Variants in ESR1 observed in about 807,000 individuals in gnomAD.
ESR1 encodes the protein estrogen receptor 1.
Under a neutral mutation model 52.7 loss-of-function variants are expected in ESR1, and 12 were observed. The ratio of observed to expected loss-of-function variants is 0.23; its 90% CI spans 0.15 to 0.37. The LOEUF (loss-of-function observed/expected upper bound fraction) is 0.37. ESR1 is among the 10% of genes least tolerant of loss of function. The probability of loss-of-function intolerance (pLI) is 1.00; values close to 1 mark genes in which losing one functional copy is unlikely to be tolerated. For missense variants in ESR1, 584 were observed against 779.7 expected, an observed-to-expected ratio of 0.75 and a Z score of 2.99; for synonymous variants, 305 against 316.8, an observed-to-expected ratio of 0.96 and a Z score of 0.39.
chr6:151,864,753 C>T, intron 2 of ESR1, among the ~76,000 whole-genome samples: 1 of 152,062 alleles, frequency 6.6e-6, no homozygotes, highest in East Asian at 1.9e-4. Context: ...GAATACTATG[C>T]AGCCATAAAA....
At chr6:152,072,875 T>C (rs934844868) in intron 6 of ESR1, among the ~76,000 whole-genome samples, 2 of 152,224 alleles carry the variant, frequency 1.3e-5, no homozygotes, top group Admixed American at 1.3e-4. Context: ...GAATAGCAAG[T>C]ATTAATCATT....
chr6:152,069,308 C>T (rs2048200815), intron 6 of ESR1, among the ~76,000 whole-genome samples: 1 of 136,654 alleles, frequency 7.3e-6, no homozygotes, highest in South Asian at 2.3e-4. Context: ...TCCATTCTTG[C>T]ACTGGGTCAG....
At chr6:151,830,704 G>A (rs1185078404) in intron 1 of ESR1, among the ~76,000 whole-genome samples, 1 of 152,122 alleles carries the variant, frequency 6.6e-6, no homozygotes, top group African/African-American at 2.4e-5. Context: ...CAGACTAAAT[G>A]GGTTTTTAGG....
chr6:151,661,842 A>G (rs1009196468), intron 1 of ESR1, among the ~76,000 whole-genome samples: 1 of 152,176 alleles, frequency 6.6e-6, no homozygotes, highest in African/African-American at 2.4e-5. Context: ...TCCTGCTGCT[A>G]TGTAAGACGT....
chr6:151,743,441 A>G (rs1224256533), intron 2 of ESR1, among the ~76,000 whole-genome samples: 4 of 152,204 alleles, frequency 2.6e-5, no homozygotes, highest in Non-Finnish European at 5.9e-5. Context: ...TTGCACTTAT[A>G]AATCTAAAAC....
At chr6:151,661,682 T>C (rs1057307468) in intron 1 of ESR1, among the ~76,000 whole-genome samples, 3 of 152,196 alleles carry the variant, frequency 2.0e-5, no homozygotes, top group African/African-American at 7.2e-5. Context: ...TCTTGAATTG[T>C]GATCCCCACA....
intron 3 of ESR1, among the ~76,000 whole-genome samples, chr6:151,891,957 A>T (rs577469169): frequency 6.6e-6 from 1 of 152,302 alleles, no homozygotes; most frequent in South Asian, 2.1e-4. Flanking sequence ...AATATAATTT[A>T]AAAGGGGCAT....
chr6:151,970,505 T>C (rs898122449), intron 4 of ESR1, among the ~76,000 whole-genome samples: 1 of 152,196 alleles, frequency 6.6e-6, no homozygotes, highest in Non-Finnish European at 1.5e-5. Flanking sequence ...CTAGTGCTTA[T>C]GGAACTTGGC....
At chr6:151,996,219 G>T (rs1215294327) in intron 4 of ESR1, among the ~76,000 whole-genome samples, 1 of 152,144 alleles carries the variant, frequency 6.6e-6, no homozygotes, top group East Asian at 1.9e-4. Flanking sequence ...GGTCACCAAG[G>T]AATCACATTC....
At chr6:151,944,121 A>G (rs2035429403) in intron 3 of ESR1, 52 bp from the exon 4 acceptor site, 1 of 1,540,226 alleles carries the variant, frequency 6.5e-7, no homozygotes, top group Non-Finnish European at 8.9e-7. Flanking sequence ...TTTGTATAAA[A>G]GTTTACACGG....
chr6:151,686,075 T>TTTTTTTTTTTTTTTTTTC (rs1778656631), upstream of ESR1, among the ~76,000 whole-genome samples: 1 of 146,726 alleles, frequency 6.8e-6, no homozygotes, highest in African/African-American at 2.6e-5. Flanking sequence ...TTTTTTTTTT[T>TTTTTTTTTTTTTTTTTTC]TTTTTTTTTT....
At position 151,862,307 on chromosome 6, in the gene ESR1, AG is replaced by A. The variant is rs141938192; in HGVS notation, c.644-18347del. On this transcript the variant is annotated intron_variant, in intron 2 of 7. Coordinates refer to ENST00000206249, the MANE Select transcript of ESR1 (RefSeq NM_000125.4). ...TTCTCCAAGGGAAAGGAGTGCTTCC[AG>A]AAAGGCCATTGGAAGTGAGGAGTGT... is the stretch of plus-strand genomic sequence containing the variant. 1.5e-3 allele frequency among the ~76,000 whole-genome samples: 229 copies of A among 152,332 alleles called. 1 individual carries two copies. The highest frequency in any genetic ancestry group is 5.0e-3 in the African/African-American group (206 of 41,576).
At chr6:151,935,049 G>A (rs150689128) in intron 3 of ESR1, among the ~76,000 whole-genome samples, 1,740 of 152,302 alleles carry the variant, frequency 0.011, 9 homozygotes, top group Non-Finnish European at 0.017. Flanking sequence ...CAGCCTGCCT[G>A]GGTTCAAACC....
intron 2 of ESR1, among the ~76,000 whole-genome samples, chr6:151,846,448 G>A (rs777549296): frequency 9.9e-5 from 15 of 152,216 alleles, no homozygotes; most frequent in Non-Finnish European, 2.2e-4. Context: ...GAAATTGTCT[G>A]TGACTCTTTA....
chr6:151,893,161 A>C (rs537632194), intron 3 of ESR1, among the ~76,000 whole-genome samples: 41 of 152,350 alleles, frequency 2.7e-4, no homozygotes, highest in Non-Finnish European at 5.9e-5. Flanking sequence ...ACTGCACTCC[A>C]GACTGGGCGA....
At chr6:151,759,517 A>G (rs1371665660) in intron 2 of ESR1, among the ~76,000 whole-genome samples, 1 of 151,896 alleles carries the variant, frequency 6.6e-6, no homozygotes, top group Admixed American at 6.6e-5. Flanking sequence ...AAGTATAATA[A>G]TAATAATAAT....
chr6:152,011,408 T>G (rs2042755248), intron 4 of ESR1, among the ~76,000 whole-genome samples: 1 of 152,184 alleles, frequency 6.6e-6, no homozygotes. Flanking sequence ...CTAAGTGTGT[T>G]GCTCAAGTTG....
intron 5 of ESR1, among the ~76,000 whole-genome samples, chr6:152,034,147 T>TGGGG (rs2045037984): frequency 2.3e-5 from 1 of 42,882 alleles, no homozygotes; most frequent in African/African-American, 9.2e-5. Context: ...TTTGTGTGGT[T>TGGGG]GGGGAGGGGG....
chr6:151,955,076 C>T (rs1365426865), intron 4 of ESR1, among the ~76,000 whole-genome samples: 1 of 151,974 alleles, frequency 6.6e-6, no homozygotes, highest in Non-Finnish European at 1.5e-5. Context: ...ACACATAGCC[C>T]CAATCTCATA....
Sources: allele counts gnomAD v4.1 joint callset (sites outside exome capture counted in the v4.1 genomes callset), GRCh38; gene constraint gnomAD v4.1.1; transcripts MANE v1.5; gene names NCBI Gene and HGNC (gene_info 2026-07-23, HGNC 2026-07-21).